NKAIN3: variants seen among roughly 807,000 people sequenced by gnomAD.
The protein encoded by NKAIN3 is sodium/potassium transporting ATPase interacting 3.
In NKAIN3, 25 loss-of-function variants were observed where a neutral mutation model predicts 30.2. The observed-to-expected ratio is 0.83, with a 90% CI of 0.60 to 1.16. NKAIN3 has a LOEUF of 1.16. NKAIN3 is among the 50% of genes most tolerant of loss of function. NKAIN3 has a pLI of 0.00. For missense variants in NKAIN3, 225 were observed against 254.1 expected (o/e 0.89, Z 0.78); for synonymous variants, 91 against 89.6 (o/e 1.02, Z -0.09).
At chr8:62,941,973 G>A (rs1230133775) in intron 5 of NKAIN3, among the ~76,000 whole-genome samples, 1 of 151,858 alleles carries the variant, frequency 6.6e-6, no homozygotes, top group Non-Finnish European at 1.5e-5. Context: ...AAGTCAAACT[G>A]TCACTGTTTA....
intron 4 of NKAIN3, among the ~76,000 whole-genome samples, chr8:62,806,835 T>A (rs1818304401): frequency 6.6e-6 from 1 of 151,228 alleles, no homozygotes. Flanking sequence ...TATAAAAAAA[T>A]AAAATAAAAT....
chr8:62,481,742 G>A (rs928032878), intron 1 of NKAIN3, among the ~76,000 whole-genome samples: 1 of 152,126 alleles, frequency 6.6e-6, no homozygotes, highest in Non-Finnish European at 1.5e-5. Context: ...CAAGACAAGG[G>A]GTTCACTAAT....
At chr8:62,894,780 A>G (rs1258701817) in intron 4 of NKAIN3, among the ~76,000 whole-genome samples, 1 of 152,172 alleles carries the variant, frequency 6.6e-6, no homozygotes, top group Non-Finnish European at 1.5e-5. Context: ...AAGCTAGTAA[A>G]TATCAGAGAC....
At chr8:62,554,922 A>C (rs952596510) in intron 1 of NKAIN3, among the ~76,000 whole-genome samples, 1 of 151,594 alleles carries the variant, frequency 6.6e-6, no homozygotes, top group Non-Finnish European at 1.5e-5. Flanking sequence ...AAGTGAGATT[A>C]TGCAGTATTT....
At chr8:62,771,217 C>T (rs557950112) in intron 4 of NKAIN3, among the ~76,000 whole-genome samples, 9 of 151,996 alleles carry the variant, frequency 5.9e-5, no homozygotes, top group Admixed American at 1.3e-4. Flanking sequence ...CGCTTGAGCC[C>T]GGGAGTTCAA....
At chr8:62,484,067 G>A (rs943378512) in intron 1 of NKAIN3, among the ~76,000 whole-genome samples, 1 of 152,202 alleles carries the variant, frequency 6.6e-6, no homozygotes, top group African/African-American at 2.4e-5. Context: ...AAGTCGGTAG[G>A]TGCTGCCCTC....
At chr8:62,438,262 G>T (rs1218919875) in intron 1 of NKAIN3, among the ~76,000 whole-genome samples, 5 of 152,168 alleles carry the variant, frequency 3.3e-5, no homozygotes, top group Non-Finnish European at 7.3e-5. Flanking sequence ...TTTTTCACAG[G>T]TAAAGGACCT....
chr8:62,268,902 G>A (rs969785174), intron 1 of NKAIN3, among the ~76,000 whole-genome samples: 2 of 152,126 alleles, frequency 1.3e-5, no homozygotes, highest in Non-Finnish European at 2.9e-5. Context: ...TTGAGAAAAG[G>A]GCTCTCTAAA....
intron 4 of NKAIN3, among the ~76,000 whole-genome samples, chr8:62,806,963 T>C (rs1818312448): frequency 6.6e-6 from 1 of 152,088 alleles, no homozygotes; most frequent in African/African-American, 2.4e-5. Context: ...TGAAACGTAG[T>C]GATGAACAAC....
intron 4 of NKAIN3, among the ~76,000 whole-genome samples, chr8:62,913,079 A>G (rs1821971329): frequency 6.6e-6 from 1 of 152,056 alleles, no homozygotes; most frequent in Non-Finnish European, 1.5e-5. Flanking sequence ...GTCATCTCCT[A>G]TGATCTCCTA....
At chr8:62,430,223 C>T (rs1285347789) in intron 1 of NKAIN3, among the ~76,000 whole-genome samples, 2 of 151,782 alleles carry the variant, frequency 1.3e-5, no homozygotes, top group Non-Finnish European at 2.9e-5. Context: ...TTTATAGGTA[C>T]ATTGCATTTT....
chr8:62,958,154 T>C (rs528815573), intron 6 of NKAIN3, among the ~76,000 whole-genome samples: 1 of 152,134 alleles, frequency 6.6e-6, no homozygotes, highest in African/African-American at 2.4e-5. Context: ...TAATCTCATG[T>C]TTGCCATAGT....
intron 3 of NKAIN3, among the ~76,000 whole-genome samples, chr8:62,649,099 G>A (rs1157899167): frequency 6.6e-6 from 1 of 152,146 alleles, no homozygotes; most frequent in Non-Finnish European, 1.5e-5. Flanking sequence ...AGATAAGTGG[G>A]AGAAAACAAA....
At chr8:62,369,477 C>T (rs911461110) in intron 1 of NKAIN3, among the ~76,000 whole-genome samples, 1 of 152,016 alleles carries the variant, frequency 6.6e-6, no homozygotes, top group Non-Finnish European at 1.5e-5. Context: ...TGTTTCTGAA[C>T]ATTTCCAAGA....
At chr8:62,291,623 C>G (rs1173567117) in intron 1 of NKAIN3, among the ~76,000 whole-genome samples, 3 of 152,130 alleles carry the variant, frequency 2.0e-5, no homozygotes, top group Non-Finnish European at 2.9e-5. Flanking sequence ...AATTTCTGTT[C>G]TTTTACATTT....
chr8:62,412,872 A>G (rs1804293086), intron 1 of NKAIN3, among the ~76,000 whole-genome samples: 1 of 145,532 alleles, frequency 6.9e-6, no homozygotes, highest in Non-Finnish European at 1.5e-5. Context: ...AGATCGCACC[A>G]CTGCACTGCA....
chr8:62,998,025 C>T (rs981189271), intron 5 of NKAIN3, among the ~76,000 whole-genome samples: 3 of 152,040 alleles, frequency 2.0e-5, no homozygotes, highest in African/African-American at 7.2e-5. Context: ...AGACTATGAG[C>T]CCAGTACATT....
Position 62,969,589 on chromosome 8 carries a change from T to G in NKAIN3, c.*4182T>G, listed in dbSNP as rs993614873. Among the ~76,000 whole-genome samples the G allele has an allele frequency of 2.0e-5, 3 of 152,218 alleles. No individual in the cohort carries two copies. The highest frequency in any genetic ancestry group is 6.5e-5 in the Admixed American group (1 of 15,276). On this transcript the variant is annotated 3_prime_UTR_variant, in exon 7 of 7. Coordinates refer to ENST00000623646, the MANE Select transcript of NKAIN3 (RefSeq NM_001304533.3). Reference sequence around the variant, plus strand: ...TATGTAACTAGGATAAATTTCATAGTTGATCAGAATGCAAATGTTCTAACT... The same window carrying G: ...TATGTAACTAGGATAAATTTCATAGGTGATCAGAATGCAAATGTTCTAACT...
chr8:62,691,926 A>G (rs577666838), intron 3 of NKAIN3, among the ~76,000 whole-genome samples: 91 of 152,310 alleles, frequency 6.0e-4, no homozygotes, highest in African/African-American at 2.1e-3. Flanking sequence ...TCTTTAAATT[A>G]TTCATGTGTC....
Sources: allele counts gnomAD v4.1 joint callset (sites outside exome capture counted in the v4.1 genomes callset), GRCh38; gene constraint gnomAD v4.1.1; transcripts MANE v1.5; gene names NCBI Gene and HGNC (gene_info 2026-07-23, HGNC 2026-07-21).